The following GULP1 variants were observed in gnomAD, a reference collection of about 807,000 sequenced individuals.
GULP1 encodes PTB domain-containing engulfment adapter protein 1.
Under a neutral mutation model 40.9 loss-of-function variants are expected in GULP1, and 19 were observed. The observed-to-expected ratio is 0.46, with a 90% CI of 0.32 to 0.68. GULP1 has a LOEUF of 0.68. Ranked by LOEUF, GULP1 falls within the 30% of genes least tolerant of loss-of-function variation. GULP1 has a pLI of 0.03. For missense variants in GULP1, 312 were observed against 362.2 expected (o/e 0.86, Z 1.12); for synonymous variants, 119 against 117.6 (o/e 1.01, Z -0.08).
intron 4 of GULP1, 37 bp from the exon 5 acceptor site, chr2:188,522,719 T>C: frequency 3.1e-6 from 4 of 1,309,498 alleles, no homozygotes; most frequent in Non-Finnish European, 3.3e-6. Flanking sequence ...ATATATGATA[T>C]GGTAAAAGCC....
At chr2:188,345,805 T>G (rs2043567883) in intron 1 of GULP1, among the ~76,000 whole-genome samples, 1 of 152,226 alleles carries the variant, frequency 6.6e-6, no homozygotes, top group Non-Finnish European at 1.5e-5. Flanking sequence ...GAGAAAATGA[T>G]GTATTTTGGT....
intron 9 of GULP1, among the ~76,000 whole-genome samples, chr2:188,581,894 T>C (rs966690304): frequency 3.3e-5 from 5 of 152,190 alleles, no homozygotes; most frequent in Admixed American, 6.5e-5. Flanking sequence ...AAATATAAAA[T>C]GTATGTTGTA....
At chr2:188,323,772 C>T (rs1221338643) in intron 1 of GULP1, among the ~76,000 whole-genome samples, 3 of 150,482 alleles carry the variant, frequency 2.0e-5, no homozygotes, top group Non-Finnish European at 3.0e-5. Context: ...TGTATGTGCT[C>T]ATTAAATGTA....
intron 2 of GULP1, among the ~76,000 whole-genome samples, chr2:188,467,948 G>T (rs1013079155): frequency 2.0e-5 from 3 of 152,004 alleles, no homozygotes; most frequent in Admixed American, 6.6e-5. Flanking sequence ...CTTAGGATTT[G>T]TTTCCATAAA....
At chr2:188,533,341 C>A (rs1481941237) in intron 6 of GULP1, among the ~76,000 whole-genome samples, 1 of 152,070 alleles carries the variant, frequency 6.6e-6, no homozygotes, top group Admixed American at 6.5e-5. Context: ...CACCTACAGC[C>A]ATCTGATTTT....
rs953771841 is a variant in GULP1, at chr2:188,499,303, AT to A, written c.90+15820del. On this transcript the variant is annotated intron_variant, in intron 4 of 11. Coordinates refer to ENST00000409830, the MANE Select transcript of GULP1 (RefSeq NM_016315.4). ...GAAACCTGAGAAAAGAAAAGCCTGG[AT>A]TTTTTTTTCTGAATACTAAGCAAAT... 4.0e-5 allele frequency among the ~76,000 whole-genome samples: 6 copies of A among 150,038 alleles called. No individual in the cohort carries two copies. In the East Asian group the frequency reaches 9.8e-4, roughly 25 times the overall value.
intron 2 of GULP1, among the ~76,000 whole-genome samples, chr2:188,436,796 C>T (rs963418905): frequency 6.6e-6 from 1 of 151,972 alleles, no homozygotes; most frequent in Non-Finnish European, 1.5e-5. Flanking sequence ...GGCACATGCT[C>T]AAACATTTTT....
chr2:188,458,785 T>A (rs976594560), intron 2 of GULP1, among the ~76,000 whole-genome samples: 2 of 151,564 alleles, frequency 1.3e-5, no homozygotes, highest in Admixed American at 6.6e-5. Flanking sequence ...TTCATTCTAA[T>A]TTTTTTTTGT....
chr2:188,490,630 A>G (rs766906615), intron 4 of GULP1, among the ~76,000 whole-genome samples: 6 of 152,064 alleles, frequency 3.9e-5, no homozygotes, highest in Non-Finnish European at 7.4e-5. Flanking sequence ...GCTTTGCTTA[A>G]TGATATTTTT....
At chr2:188,428,693 G>T (rs189920456) in intron 2 of GULP1, among the ~76,000 whole-genome samples, 380 of 152,198 alleles carry the variant, frequency 2.5e-3, no homozygotes, top group African/African-American at 8.1e-3. Flanking sequence ...AGCAGATGCT[G>T]CCATGCTTTC....
rs572257256 is a variant in GULP1 at position 188,489,369 on chromosome 2, A to G, written c.90+5877A>G. On this transcript the variant is annotated intron_variant, in intron 4 of 11. Transcript: ENST00000409830. ...TTGTAGAAACCAGGGGAAATATAAG[A>G]AACGTAAAGAGCTCAATTGCATTTC... Among the ~76,000 whole-genome samples the G allele has an allele frequency of 1.4e-4, 22 of 152,154 alleles. No homozygotes were observed. The South Asian group carries it at 4.1e-3, about 29-fold the overall frequency.
Position 188,519,991 on chromosome 2 carries a change from A to G in GULP1, c.91-2765A>G, listed in dbSNP as rs368104117. Among the ~76,000 whole-genome samples the G allele has an allele frequency of 2.6e-4, 40 of 152,260 alleles. 1 individual carries two copies. The highest frequency in any genetic ancestry group is 9.4e-4 in the African/African-American group (39 of 41,542). On this transcript the variant is annotated intron_variant, in intron 4 of 11. Coordinates refer to ENST00000409830, the MANE Select transcript of GULP1 (RefSeq NM_016315.4). ...AACGCCCCTATGATTCTGTCATTCA[A>G]TCAAGTTTGAAAACACTCATCCCAA...
intron 2 of GULP1, among the ~76,000 whole-genome samples, chr2:188,468,116 T>C (rs2060276871): frequency 6.6e-6 from 1 of 152,176 alleles, no homozygotes; most frequent in South Asian, 2.1e-4. Context: ...TTTTATTGCT[T>C]TAAGGATATA....
chr2:188,547,615 T>C (rs1489087451), intron 7 of GULP1, among the ~76,000 whole-genome samples: 2 of 152,138 alleles, frequency 1.3e-5, no homozygotes, highest in Non-Finnish European at 2.9e-5. Context: ...GATTAAATGG[T>C]GCCCATCCAG....
intron 7 of GULP1, among the ~76,000 whole-genome samples, chr2:188,550,511 C>T (rs1251203537): frequency 2.6e-5 from 4 of 151,188 alleles, no homozygotes; most frequent in African/African-American, 9.7e-5. Flanking sequence ...AGAGTAGCCC[C>T]AATAAACAAA....
chr2:188,564,456 A>G (rs1055514993), intron 7 of GULP1, among the ~76,000 whole-genome samples: 1 of 151,930 alleles, frequency 6.6e-6, no homozygotes, highest in Non-Finnish European at 1.5e-5. Context: ...TAGCAAAAAG[A>G]AAGAAAGAAA....
intron 1 of GULP1, among the ~76,000 whole-genome samples, chr2:188,320,999 A>G (rs12987194): frequency 0.24 from 36,967 of 151,598 alleles, 5,000 homozygotes; most frequent in African/African-American, 0.37. Context: ...ACAGTTTCCT[A>G]TATTTCTAGA....
At chr2:188,469,573 G>C (rs1209501950) in intron 2 of GULP1, among the ~76,000 whole-genome samples, 4 of 152,128 alleles carry the variant, frequency 2.6e-5, no homozygotes, top group African/African-American at 7.2e-5. Flanking sequence ...ATCTCACATG[G>C]TGTGAGCAGG....
intron 2 of GULP1, among the ~76,000 whole-genome samples, chr2:188,406,696 G>A (rs1368767665): frequency 1.3e-5 from 2 of 151,784 alleles, no homozygotes; most frequent in South Asian, 2.1e-4. Context: ...AAAATAAAAA[G>A]GAATGAAGAA....
Sources: gnomAD v4.1 joint callset for allele counts (sites outside exome capture counted in the v4.1 genomes callset) on GRCh38, gnomAD v4.1.1 for gene constraint, MANE v1.5 for transcripts, NCBI Gene and HGNC (gene_info 2026-07-23, HGNC 2026-07-21) for gene names.